The following ROBO1 variants were observed in gnomAD, a reference collection of about 807,000 sequenced individuals.
The protein encoded by ROBO1 is roundabout homolog 1.
A neutral mutation model predicts 195.9 loss-of-function variants in ROBO1; 149 were observed. The ratio of observed to expected loss-of-function variants is 0.76; its 90% CI spans 0.67 to 0.87. The LOEUF is 0.87. Among genes scored for constraint, ROBO1 ranks in the 40% least tolerant of loss-of-function variants. ROBO1 has a pLI of 0.00. For synonymous variants in ROBO1, 816 were observed against 733.2 expected, an observed-to-expected ratio of 1.11 and a Z score of -1.82; for missense variants, 1,933 against 2,068.3, an observed-to-expected ratio of 0.93 and a Z score of 1.27.
At chr3:78,726,032 A>G (rs1282474467) in intron 5 of ROBO1, among the ~76,000 whole-genome samples, 1 of 152,092 alleles carries the variant, frequency 6.6e-6, no homozygotes, top group Non-Finnish European at 1.5e-5. Flanking sequence ...GTTTGGCTAC[A>G]CAAATTCTTT....
At chr3:79,016,582 C>T (rs77978375) in intron 3 of ROBO1, among the ~76,000 whole-genome samples, 1,897 of 152,250 alleles carry the variant, frequency 0.012, 17 homozygotes, top group Middle Eastern at 0.038. Flanking sequence ...AAATAATTCT[C>T]CAAGTGAAGA....
chr3:78,615,264 CAT>C (rs201330680), intron 27 of ROBO1, among the ~76,000 whole-genome samples: 4,540 of 152,194 alleles, frequency 0.03, 211 homozygotes, highest in African/African-American at 0.1. Context: ...TTTAATTAAA[CAT>C]ATATTTATAG....
At chr3:79,531,757 T>C (rs1941671412) in intron 2 of ROBO1, among the ~76,000 whole-genome samples, 1 of 152,194 alleles carries the variant, frequency 6.6e-6, no homozygotes, top group Non-Finnish European at 1.5e-5. Context: ...TGTTGATTCA[T>C]ATGCAAACAC....
intron 8 of ROBO1, among the ~76,000 whole-genome samples, chr3:78,692,698 G>T (rs992962541): frequency 2.0e-5 from 3 of 152,164 alleles, no homozygotes; most frequent in African/African-American, 7.2e-5. Context: ...CTTATGAAAT[G>T]ATTGGACCTT....
At chr3:79,374,408 T>C (rs887508582) in intron 2 of ROBO1, among the ~76,000 whole-genome samples, 2 of 152,176 alleles carry the variant, frequency 1.3e-5, no homozygotes, top group Admixed American at 1.3e-4. Context: ...ACTCTAACTC[T>C]CTCTTCTTTA....
chr3:79,359,811 A>G (rs149383829), intron 2 of ROBO1, among the ~76,000 whole-genome samples: 73 of 152,066 alleles, frequency 4.8e-4, no homozygotes, highest in African/African-American at 1.7e-3. Flanking sequence ...CCAGGATGCC[A>G]GGAATACAGA....
In ROBO1 at chr3:78,714,293, A is replaced by G. The variant is rs1576002381; in HGVS notation, c.1045+104T>C. On this transcript the variant is annotated intron_variant, in intron 8 of 30. Coordinates refer to ENST00000464233, the MANE Select transcript of ROBO1 (RefSeq NM_002941.4). ...AAATACATTATTTAGAGCAATACTT[A>G]AAGTCTATATGTAACATAGCCCTAT... is the stretch of plus-strand genomic sequence containing the variant. 3 of 1,145,674 alleles carry G rather than the reference A, an allele frequency of 2.6e-6. No homozygotes were observed. The African/African-American group carries it at 4.7e-5, about 18-fold the overall frequency. 71.0% of individuals were successfully genotyped at this position (1,145,674 alleles called of 1,614,324 possible). A position where few individuals can be genotyped will look rare whatever the true frequency, so the allele number is the denominator to read the frequency against.
chr3:78,599,771 G>A (rs1205158956), intron 30 of ROBO1, among the ~76,000 whole-genome samples: 2 of 152,082 alleles, frequency 1.3e-5, no homozygotes, highest in Admixed American at 6.6e-5. Flanking sequence ...TCATCTTACT[G>A]GGTTTTTATA....
intron 4 of ROBO1, among the ~76,000 whole-genome samples, chr3:78,913,271 T>G (rs2107547785): frequency 6.6e-6 from 1 of 152,238 alleles, no homozygotes; most frequent in Middle Eastern, 3.4e-3. Flanking sequence ...GAATTCTGTT[T>G]TGGTGACAGT....
intron 2 of ROBO1, among the ~76,000 whole-genome samples, chr3:79,320,173 T>C (rs1484272875): frequency 1.3e-5 from 2 of 152,212 alleles, no homozygotes; most frequent in African/African-American, 4.8e-5. Context: ...TGGATTCTGC[T>C]GAGGAGCCTC....
At chr3:78,916,245 C>CA (rs34944563) in intron 4 of ROBO1, among the ~76,000 whole-genome samples, 33,751 of 91,704 alleles carry the variant, frequency 0.37, 5,591 homozygotes, top group Middle Eastern at 0.46. Context: ...GAGACTCCGT[C>CA]AAAAAAAAAA....
At chr3:78,836,132 C>T (rs1215558820) in intron 4 of ROBO1, among the ~76,000 whole-genome samples, 1 of 152,038 alleles carries the variant, frequency 6.6e-6, no homozygotes, top group African/African-American at 2.4e-5. Context: ...CTTAGAAATG[C>T]CTTAATTTTC....
At chr3:79,293,166 A>G (rs1167222108) in intron 2 of ROBO1, among the ~76,000 whole-genome samples, 1 of 152,066 alleles carries the variant, frequency 6.6e-6, no homozygotes, top group East Asian at 1.9e-4. Context: ...ATTTGCATAG[A>G]GGTGTTCATA....
chr3:78,855,102 G>A (rs989638277), intron 4 of ROBO1, among the ~76,000 whole-genome samples: 1 of 151,590 alleles, frequency 6.6e-6, no homozygotes, highest in Non-Finnish European at 1.5e-5. Flanking sequence ...CCTTCCTGGG[G>A]ACACACAGAG....
intron 10 of ROBO1, among the ~76,000 whole-genome samples, chr3:78,676,883 C>T (rs1708468882): frequency 6.6e-6 from 1 of 152,008 alleles, no homozygotes; most frequent in Non-Finnish European, 1.5e-5. Flanking sequence ...TCAGATTCAC[C>T]AAAGTTGAAA....
chr3:79,765,393 G>A (rs902994486), intron 1 of ROBO1, among the ~76,000 whole-genome samples: 11 of 152,194 alleles, frequency 7.2e-5, no homozygotes, highest in Non-Finnish European at 1.5e-4. Flanking sequence ...TTTTTTTGGG[G>A]GGTGGGGGCC....
At chr3:78,971,869 A>C (rs2076775679) in intron 3 of ROBO1, among the ~76,000 whole-genome samples, 1 of 152,002 alleles carries the variant, frequency 6.6e-6, no homozygotes, top group Non-Finnish European at 1.5e-5. Flanking sequence ...GGGCTCAAGC[A>C]ATTTTCCTGC....
At chr3:79,744,595 C>T (rs561335307) in intron 1 of ROBO1, among the ~76,000 whole-genome samples, 2 of 152,016 alleles carry the variant, frequency 1.3e-5, no homozygotes, top group African/African-American at 2.4e-5. Flanking sequence ...AGAGACCAAC[C>T]CTGCTGGCAC....
At chr3:78,678,957 C>T (rs2080812771) in intron 10 of ROBO1, among the ~76,000 whole-genome samples, 1 of 152,116 alleles carries the variant, frequency 6.6e-6, no homozygotes, top group Non-Finnish European at 1.5e-5. Context: ...TCCAGTAGCA[C>T]ATCAAAAAGC....
Sources: gnomAD v4.1 joint callset for allele counts (sites outside exome capture counted in the v4.1 genomes callset) on GRCh38, gnomAD v4.1.1 for gene constraint, MANE v1.5 for transcripts, NCBI Gene and HGNC (gene_info 2026-07-23, HGNC 2026-07-21) for gene names.